F12: variants seen among roughly 807,000 people sequenced by gnomAD.
F12 encodes Hageman factor.
A neutral mutation model predicts 74.8 loss-of-function variants in F12; 70 were observed. The ratio of observed to expected loss-of-function variants is 0.94; its 90% confidence interval spans 0.77 to 1.14. F12 has a LOEUF of 1.14. F12 is among the 50% of genes most tolerant of loss of function. The probability of loss-of-function intolerance (pLI) is 0.00; values close to 1 mark genes in which losing one functional copy is unlikely to be tolerated. For missense variants in F12, 811 were observed against 835.7 expected, an observed-to-expected ratio of 0.97 and a Z score of 0.36; for synonymous variants, 373 against 356.4, an observed-to-expected ratio of 1.05 and a Z score of -0.52.
chr5:177,405,935 T>C (rs1300718107), intron 3 of F12, 27 bp downstream of exon 3: 6 of 1,610,322 alleles, frequency 3.7e-6, no homozygotes, highest in Non-Finnish European at 4.2e-6. Flanking sequence ...CCCAGGCCCC[T>C]GCTCCAACTC....
rs1336683053 is a variant in F12 at position 177,402,636 on chromosome 5, A to T, written c.1594T>A (p.Cys532Ser). The T allele has an allele frequency of 3.1e-6, 5 of 1,613,102 alleles. No homozygotes were observed. The highest frequency in any genetic ancestry group is 4.2e-6 in the Non-Finnish European group (5 of 1,180,008). Reference sequence around the variant, plus strand: ...GATCCGTGCACGTCCGGGGCTGAGCAGCGCTCCAGGGAGAGGAACGGTACC... The same window carrying T: ...GATCCGTGCACGTCCGGGGCTGAGCTGCGCTCCAGGGAGAGGAACGGTACC... Reference protein sequence around the residue: ...AQVPFLSLERCSAPDVHGSSI... With the variant: ...AQVPFLSLERSSAPDVHGSSI... Residue 532 changes from cysteine to serine, a missense_variant, in exon 13 of 14, where the codon TGC (cysteine) becomes AGC (serine). Transcript: ENST00000253496.
Position 177,404,317 on chromosome 5 carries a change from G to C in F12, c.897C>G (p.Thr299=). ...YCDLAQCQTP[T]QAAPPTPVSP... ...ACACCGGGGTCGGAGGCGCCGCCTG[G>C]GTTGGGGTCTGGCACTGTGCCAGGT... is the stretch of plus-strand genomic sequence containing the variant. Residue 299 remains threonine (T), a synonymous_variant, in exon 9 of 14, where the codon ACC becomes ACG. Coordinates refer to ENST00000253496, the MANE Select transcript of F12 (RefSeq NM_000505.4). 6.2e-7 allele frequency: 1 copy of C among 1,605,562 alleles called. No homozygotes were observed. Among genetic ancestry groups the C allele is most frequent in the Non-Finnish European group, 8.5e-7 (1 of 1,175,770 alleles).
At chr5:177,404,944 T>TG (rs772888245) in intron 6 of F12, 30 bp from the exon 7 acceptor site, 85 of 1,587,032 alleles carry the variant, frequency 5.4e-5, no homozygotes, top group Non-Finnish European at 7.0e-5. Context: ...GAGCCACCCC[T>TG]GGGCCTAAAG....
At position 177,403,706 on chromosome 5, in the gene F12, G is replaced by A. The variant is rs758691752; in HGVS notation, c.1251-89C>T. ...CCCTGCTCCCGAACCCCAATCCCGTGTTCCAGCTTCCTCCCCGGGAGCTCC... is the reference window on the plus strand; with the variant it reads ...CCCTGCTCCCGAACCCCAATCCCGTATTCCAGCTTCCTCCCCGGGAGCTCC... On this transcript the variant is annotated intron_variant, in intron 10 of 13. Transcript: ENST00000253496. 3.9e-6 allele frequency: 6 copies of A among 1,542,062 alleles called. No individual in the cohort carries two copies. In the East Asian group the frequency reaches 1.2e-4, roughly 30 times the overall value.
chr5:177,406,270 C>T (rs563590883), intron 2 of F12, among the ~76,000 whole-genome samples: 12 of 152,274 alleles, frequency 7.9e-5, no homozygotes, highest in East Asian at 5.8e-4. Context: ...GGGCAGATCA[C>T]GAGGTCAGGA....
At chr5:177,404,166 G>A in intron 9 of F12, 30 bp downstream of exon 9, 9 of 1,549,598 alleles carry the variant, frequency 5.8e-6, no homozygotes, top group Non-Finnish European at 7.8e-6. Flanking sequence ...GCGCCCTCTC[G>A]GCTCCTCCTT....
Position 177,403,861 on chromosome 5 carries a change from G to A in F12, c.1248C>T (p.Asp416=), listed in dbSNP as rs1007921517. 6 of 1,539,430 alleles carry A rather than the reference G, an allele frequency of 3.9e-6. No individual in the cohort carries two copies. The highest frequency in any genetic ancestry group is 5.2e-6 in the Non-Finnish European group (6 of 1,145,008). ...GCTCTGGGCGGGCGGGTACTCGCCG[G>A]TCCTGCAGGCAGTGAGCGGCCGTCA... ...WVLTAAHCLQ[D]RPAPEDLTVV... The change falls in exon 10 of 14, where the codon GAC becomes GAT. Residue 416 remains aspartate, a splice_region_variant and synonymous_variant. Coordinates refer to ENST00000253496, the MANE Select transcript of F12 (RefSeq NM_000505.4).
chr5:177,402,525 G>A (rs1201529761), intron 13 of F12, 25 bp downstream of exon 13: 1 of 1,605,274 alleles, frequency 6.2e-7, no homozygotes, highest in African/African-American at 1.3e-5. Context: ...CTCGGGGAAG[G>A]GCGCCAACCG....
Position 177,403,624 on chromosome 5 carries a change from G to A in F12, c.1251-7C>T, listed in dbSNP as rs375340260. ...CAGATCCTCGGGTGCGGGCCTGCGG[G>A]GGGGGTAGGGGAGAGGCAGCGCTCT... On this transcript the variant is annotated splice_polypyrimidine_tract_variant and splice_region_variant and intron_variant, in intron 10 of 13. Coordinates refer to ENST00000253496, the MANE Select transcript of F12 (RefSeq NM_000505.4). 113 of 1,602,654 alleles carry A rather than the reference G, an allele frequency of 7.1e-5. No homozygotes were observed. The African/African-American group carries it at 9.2e-4, about 13-fold the overall frequency.
chr5:177,406,740 G>A (rs1193209877), intron 2 of F12, among the ~76,000 whole-genome samples: 4 of 152,144 alleles, frequency 2.6e-5, no homozygotes, highest in Non-Finnish European at 5.9e-5. Flanking sequence ...TTCTTCTCTG[G>A]TTCTACATTG....
At chr5:177,405,925 C>A in intron 3 of F12, 37 bp downstream of exon 3, 1 of 1,602,008 alleles carries the variant, frequency 6.2e-7, no homozygotes, top group Non-Finnish European at 8.6e-7. Flanking sequence ...GTACATGTCT[C>A]CCAGGCCCCT....
chr5:177,405,844 G>A (rs746928394), intron 3 of F12, 39 bp from the exon 4 acceptor site: 1 of 1,609,790 alleles, frequency 6.2e-7, no homozygotes, highest in South Asian at 1.1e-5. Flanking sequence ...CTACCCAGGG[G>A]CCTGGCCCAC....
intron 6 of F12, 38 bp downstream of exon 6, chr5:177,405,016 G>A: frequency 6.2e-7 from 1 of 1,605,898 alleles, no homozygotes. Context: ...CTGTCTTCCT[G>A]ACGCTCCTCC....
chr5:177,402,833 T>G, intron 12 of F12, 135 bp from the exon 13 acceptor site: 1 of 1,259,810 alleles, frequency 7.9e-7, no homozygotes, highest in Non-Finnish European at 1.1e-6. Context: ...GGGGAGGAGG[T>G]GCCATTAATT....
chr5:177,403,517 C>T lies in F12; in HGVS notation c.1351G>A (p.Glu451Lys), dbSNP rs762891582. 10 of 1,581,224 alleles carry T rather than the reference C, an allele frequency of 6.3e-6. No individual in the cohort carries two copies. The highest frequency in any genetic ancestry group is 3.6e-5 in the Admixed American group (2 of 55,602). ...TGGTAGCTGACGGGCGAGAAGGCCT[C>T]GTGCAAGCGGTAGGAGCGCACGGCC... is the stretch of plus-strand genomic sequence containing the variant. ...TLAVRSYRLH[E>K]AFSPVSYQHD... is the part of the protein sequence containing the mutation. The change falls in exon 11 of 14, where the codon GAG becomes AAG. Residue 451 changes from glutamate (E) to lysine (K), a missense_variant. Glu to Lys is a moderately conservative substitution (Grantham distance 56). Coordinates refer to ENST00000253496, the MANE Select transcript of F12 (RefSeq NM_000505.4).
chr5:177,408,447 G>T lies in F12; in HGVS notation c.115+599C>A, dbSNP rs538583527. Among the ~76,000 whole-genome samples the T allele has an allele frequency of 2.0e-5, 3 of 152,318 alleles. No homozygotes were observed. The South Asian group carries it at 6.2e-4, about 32-fold the overall frequency. On this transcript the variant is annotated intron_variant, in intron 2 of 13. Transcript: ENST00000253496. ...AATGGCAGGTACCCTTCATCTAAAA[G>T]GTAGTTTCATAATAAAAGCTAATAT... is the stretch of plus-strand genomic sequence containing the variant.
rs115424179 is a variant in F12 at position 177,406,187 on chromosome 5, G to A, written c.116-126C>T. ...TCGCTGTGCATTGAAAACACTTTCT[G>A]CTCTAAAAGTTGGGTTCAGGGCCGG... On this transcript the variant is annotated intron_variant, in intron 2 of 13. Transcript: ENST00000253496. 1,510 of 907,118 alleles carry A rather than the reference G, an allele frequency of 1.7e-3. 17 individuals are homozygous for A. The African/African-American group carries it at 0.022, about 13-fold the overall frequency. 56.2% of individuals were successfully genotyped at this position (907,118 alleles called of 1,614,324 possible).
chr5:177,406,659 T>TCTG (rs1763304503), intron 2 of F12, among the ~76,000 whole-genome samples: 1 of 152,224 alleles, frequency 6.6e-6, no homozygotes, highest in South Asian at 2.1e-4. Flanking sequence ...AAGTCACTGT[T>TCTG]AACCACTCTG....
At chr5:177,403,428 G>A in intron 11 of F12, 31 bp from the exon 12 acceptor site, 2 of 1,570,804 alleles carry the variant, frequency 1.3e-6, no homozygotes, top group Non-Finnish European at 8.6e-7. Flanking sequence ...CGTGAGGCGG[G>A]GACGCCGGGG....
Sources: allele counts gnomAD v4.1 joint callset (sites outside exome capture counted in the v4.1 genomes callset), GRCh38; gene constraint gnomAD v4.1.1; transcripts MANE v1.5; gene names NCBI Gene and HGNC (gene_info 2026-07-23, HGNC 2026-07-21).